Variants in COL4A4 observed in about 807,000 individuals in gnomAD.
The protein encoded by COL4A4 is collagen alpha-4(IV) chain.
A neutral mutation model predicts 192.9 loss-of-function variants in COL4A4; 105 were observed. The ratio of observed to expected loss-of-function variants is 0.54; its 90% CI spans 0.46 to 0.64. The LOEUF (loss-of-function observed/expected upper bound fraction) is 0.64, where lower values mean the gene tolerates loss of function less well. COL4A4 is among the 30% of genes least tolerant of loss of function. The pLI, the probability that COL4A4 is intolerant of heterozygous loss-of-function variation, is 0.00. For missense variants in COL4A4, 1,967 were observed against 2,169.3 expected, an observed-to-expected ratio of 0.91 and a Z score of 1.85; for synonymous variants, 762 against 769.9, an observed-to-expected ratio of 0.99 and a Z score of 0.17.
At chr2:227,000,670 G>A (rs1960701175), downstream of COL4A4, among the ~76,000 whole-genome samples, 1 of 152,082 alleles carries the variant, frequency 6.6e-6, no homozygotes, top group Non-Finnish European at 1.5e-5. Flanking sequence ...CCAGCTCAGA[G>A]CAGTTGCCCT....
chr2:226,998,740 A>G (rs1390291335), downstream of COL4A4: 1 of 152,174 alleles, frequency 6.6e-6, no homozygotes. Flanking sequence ...CACTTTCATG[A>G]TGCCACTCAG....
rs544689801 is a variant in COL4A4 at position 227,026,305 on chromosome 2, G to T, written c.4082-495C>A. ...GAGGTCAGGAGATCGAGACCATCCT[G>T]GCTAACACGGTGAAACCCCGTCTCT... On this transcript the variant is annotated intron_variant, in intron 42 of 47. Transcript: ENST00000396625. 2.0e-5 allele frequency among the ~76,000 whole-genome samples: 3 copies of T among 152,158 alleles called. No homozygotes were observed. In the South Asian group the frequency reaches 6.2e-4, roughly 32 times the overall value.
At chr2:227,136,889 T>C (rs2062847556) in intron 4 of COL4A4, among the ~76,000 whole-genome samples, 1 of 141,882 alleles carries the variant, frequency 7.0e-6, no homozygotes, top group Admixed American at 6.9e-5. Flanking sequence ...TGTGTTCCTA[T>C]TCTGATAGTC....
intron 20 of COL4A4, among the ~76,000 whole-genome samples, chr2:227,092,763 G>A (rs914466722): frequency 4.6e-5 from 7 of 152,080 alleles, no homozygotes; most frequent in African/African-American, 1.4e-4. Context: ...GAATATTTAT[G>A]GAAGCAAAAT....
intron 18 of COL4A4, 98 bp downstream of exon 18, chr2:227,099,522 T>C: frequency 2.8e-6 from 3 of 1,078,554 alleles, no homozygotes; most frequent in Non-Finnish European, 4.3e-6. Context: ...GCCTGCCTAG[T>C]GTGCAAGCTA....
the COL4A4 span, among the ~76,000 whole-genome samples, chr2:226,992,020 G>A: frequency 6.6e-6 from 1 of 152,202 alleles, no homozygotes; most frequent in African/African-American, 2.4e-5. Context: ...ATTCTTTCCT[G>A]TGTGCTGAAC....
intron 36 of COL4A4, 142 bp downstream of exon 36, chr2:227,042,935 C>T: frequency 1.5e-6 from 1 of 686,852 alleles, no homozygotes; most frequent in South Asian, 1.7e-5. Context: ...CATAGGTGAG[C>T]TTAAGTGACC....
intron 46 of COL4A4, among the ~76,000 whole-genome samples, chr2:227,009,697 CAA>C (rs796950369): frequency 3.5e-5 from 3 of 86,458 alleles, no homozygotes; most frequent in Admixed American, 1.6e-4. Flanking sequence ...GACTCCATCT[CAA>C]AAAAAAAAAA....
In COL4A4 at chr2:227,003,925, G is replaced by T. The variant is rs1961529278; in HGVS notation, c.*3400C>A. On this transcript the variant is annotated 3_prime_UTR_variant, in exon 48 of 48. Coordinates refer to ENST00000396625, the MANE Select transcript of COL4A4 (RefSeq NM_000092.5). ...GCAATAATTGTAACAAGAGAATGTG[G>T]GTATACAAATATGTTGAATATTAAA... The T allele has an allele frequency of 1.3e-5, 2 of 152,004 alleles. No homozygotes were observed. The highest frequency in any genetic ancestry group is 4.8e-5 in the African/African-American group (2 of 41,362). The allele number at this position is 152,004 out of a possible 1,614,324, so 9.4% of individuals were successfully genotyped here.
At chr2:227,089,610 C>CATAT (rs1488061427) in intron 21 of COL4A4, among the ~76,000 whole-genome samples, 1 of 112,046 alleles carries the variant, frequency 8.9e-6, no homozygotes, top group East Asian at 2.8e-4. Context: ...TATATATATA[C>CATAT]ATACATATAT....
chr2:227,101,735 C>T, intron 16 of COL4A4, 130 bp downstream of exon 16: 1 of 1,048,108 alleles, frequency 9.5e-7, no homozygotes, highest in Non-Finnish European at 1.4e-6. Context: ...CTAAATCCTG[C>T]AATCCATAAA....
In COL4A4 at chr2:227,080,461, T is replaced by C. The variant is rs1456033408; in HGVS notation, c.1785A>G (p.Lys595=). Residue 595 remains lysine (K), a synonymous_variant, in exon 24 of 48, where the codon AAA becomes AAG. Coordinates refer to ENST00000396625, the MANE Select transcript of COL4A4 (RefSeq NM_000092.5). ...TACATACTGGAGGTCCTGGATCCCC[T>C]TTTTCTCCAGCATGTCCATCCCGAC... is the stretch of plus-strand genomic sequence containing the variant. The part of the protein sequence containing the change: ...SHGRDGHAGE[K]GDPGPPGDHE... The C allele has an allele frequency of 2.5e-6, 4 of 1,613,422 alleles. No homozygotes were observed. Among genetic ancestry groups the C allele is most frequent in the Non-Finnish European group, 3.4e-6 (4 of 1,179,540 alleles).
intron 37 of COL4A4, among the ~76,000 whole-genome samples, chr2:227,039,315 C>T (rs551148464): frequency 6.4e-4 from 98 of 152,174 alleles, no homozygotes; most frequent in African/African-American, 2.3e-3. Context: ...TACAGGCACC[C>T]GCCATCACGC....
At position 227,030,557 on chromosome 2, in the gene COL4A4, G is replaced by C. The variant is rs571869797; in HGVS notation, c.3859C>G (p.Leu1287Val). 10 of 1,614,010 alleles carry C rather than the reference G, an allele frequency of 6.2e-6. No homozygotes were observed. In the African/African-American group the frequency reaches 1.3e-4, roughly 22 times the overall value. ...CCACAGTCACCTGGCTCCCCTCTCA[G>C]AAGGTCAACACTCCCAGGGAGGCCT... ...PPGLPGSVDL[L>V]RGEPGDCGLP... The change falls in exon 41 of 48, where the codon CTG (leucine) becomes GTG (valine). Residue 1287 changes from leucine (L) to valine (V), a missense_variant. By Grantham distance (32) the Leu-to-Val change is conservative. Transcript: ENST00000396625.
intron 37 of COL4A4, among the ~76,000 whole-genome samples, chr2:227,036,004 T>TGAAA (rs1559464461): frequency 1.3e-5 from 2 of 152,232 alleles, no homozygotes; most frequent in Non-Finnish European, 2.9e-5. Context: ...TCCTTTTTAC[T>TGAAA]GAAAGCTTTT....
chr2:227,010,237 G>C, intron 46 of COL4A4, 76 bp downstream of exon 46: 1 of 1,411,244 alleles, frequency 7.1e-7, no homozygotes, highest in Non-Finnish European at 1.0e-6. Context: ...GATCATTTAA[G>C]GTGCTGATGA....
At chr2:227,011,970 A>G (rs1963826869) in intron 45 of COL4A4, among the ~76,000 whole-genome samples, 1 of 152,210 alleles carries the variant, frequency 6.6e-6, no homozygotes, top group African/African-American at 2.4e-5. Flanking sequence ...GGCCTTGTCT[A>G]GGTTTTATGA....
chr2:227,094,104 T>C (rs2060082344), intron 20 of COL4A4, 21 bp downstream of exon 20: 2 of 1,609,022 alleles, frequency 1.2e-6, no homozygotes, highest in South Asian at 1.1e-5. Flanking sequence ...TGCTAATGGA[T>C]ATGAATAAGG....
At chr2:227,144,210 A>G (rs1327303852) in intron 3 of COL4A4, among the ~76,000 whole-genome samples, 2 of 152,214 alleles carry the variant, frequency 1.3e-5, no homozygotes, top group Non-Finnish European at 2.9e-5. Context: ...TGTTCAAATT[A>G]TTCTTGTATT....
Sources: allele counts gnomAD v4.1 joint callset (sites outside exome capture counted in the v4.1 genomes callset), GRCh38; gene constraint gnomAD v4.1.1; transcripts MANE v1.5; gene names NCBI Gene and HGNC (gene_info 2026-07-23, HGNC 2026-07-21).